The following ASMTL variants were observed in gnomAD, a reference collection of about 807,000 sequenced individuals.
The protein encoded by ASMTL is acetylserotonin O-methyltransferase like.
Under a neutral mutation model 60.3 loss-of-function variants are expected in ASMTL, and 57 were observed. That is an observed-to-expected ratio of 0.95 (90% CI 0.76 to 1.18). The LOEUF is 1.18. Among genes scored for constraint, ASMTL ranks in the 50% most tolerant of loss-of-function variants. ASMTL has a pLI of 0.00. For synonymous variants in ASMTL, 419 were observed against 373.0 expected (o/e 1.12, Z -1.42); for missense variants, 981 against 852.6 (o/e 1.15, Z -1.88).
Position 1,417,516 on chromosome X carries a change from CAG to C in ASMTL, c.1522+455_1522+456del, listed in dbSNP as rs1491073045. 4.0e-5 allele frequency among the ~76,000 whole-genome samples: 6 copies of C among 150,060 alleles called. 1 individual carries two copies. Among genetic ancestry groups the C allele is most frequent in the African/African-American group, 1.5e-4 (6 of 40,618 alleles). ...CACACCATGCACACAGATACAGACA[CAG>C]ACATGCACACACACACACATGCACA... is the stretch of plus-strand genomic sequence containing the variant. On this transcript the variant is annotated intron_variant, in intron 11 of 12. Transcript: ENST00000381317.
chrX:1,434,174 C>T (rs1287992928), intron 5 of ASMTL, among the ~76,000 whole-genome samples: 3 of 152,180 alleles, frequency 2.0e-5, no homozygotes, highest in Non-Finnish European at 4.4e-5. Context: ...GGTGATACAA[C>T]TGCCTGGGCC....
At chrX:1,429,681 C>T (rs1194761017) in intron 6 of ASMTL, among the ~76,000 whole-genome samples, 3 of 151,862 alleles carry the variant, frequency 2.0e-5, no homozygotes, top group African/African-American at 7.3e-5. Flanking sequence ...CCTGTAGTCC[C>T]AGCTACTTGG....
At chrX:1,419,680 G>A (rs1283205556) in intron 9 of ASMTL, among the ~76,000 whole-genome samples, 13 of 152,082 alleles carry the variant, frequency 8.5e-5, no homozygotes, top group Non-Finnish European at 4.4e-5. Context: ...TGGACATCCC[G>A]TCCCTGCAGG....
At position 1,421,797 on chromosome X, in the gene ASMTL, C is replaced by G. The variant is rs1372708911; in HGVS notation, c.1106G>C (p.Gly369Ala). The G allele has an allele frequency of 6.2e-7, 1 of 1,613,824 alleles. No individual in the cohort carries two copies. The highest frequency in any genetic ancestry group is 1.1e-5 in the South Asian group (1 of 91,056). Residue 369 changes from glycine to alanine, a missense_variant, in exon 9 of 13, where the codon GGC (glycine) becomes GCC (alanine). Coordinates refer to ENST00000381317, the MANE Select transcript of ASMTL (RefSeq NM_004192.4). ...ETANVYLASD[G>A]EYSLHGFIMH... ...GATGAAGCCGTGCAGAGAGTATTCG[C>G]CATCCGATGCCAGGTAGACGTTCGC...
At chrX:1,411,238 AGG>A (rs1203470248) in intron 12 of ASMTL, among the ~76,000 whole-genome samples, 9 of 8,554 alleles carry the variant, frequency 1.1e-3, no homozygotes, top group South Asian at 0.12. Context: ...GGAGAGACAG[AGG>A]GAGAGAAGAA....
chrX:1,440,601 T>C (rs2149340451), intron 2 of ASMTL, among the ~76,000 whole-genome samples: 1 of 152,326 alleles, frequency 6.6e-6, no homozygotes, highest in Admixed American at 6.5e-5. Flanking sequence ...TAAGCTACAT[T>C]AATTGTACAT....
intron 7 of ASMTL, among the ~76,000 whole-genome samples, chrX:1,426,316 C>T (rs117664841): frequency 0.02 from 3,072 of 152,224 alleles, 40 homozygotes; most frequent in South Asian, 0.046. Context: ...AAATTAGAGG[C>T]ACAGACGGAA....
intron 3 of ASMTL, among the ~76,000 whole-genome samples, chrX:1,438,120 C>G (rs1212633640): frequency 6.6e-6 from 1 of 150,922 alleles, no homozygotes; most frequent in Non-Finnish European, 1.5e-5. Flanking sequence ...GAAACCCCGT[C>G]TCTACTAAAA....
intron 12 of ASMTL, among the ~76,000 whole-genome samples, chrX:1,410,938 C>G (rs1237980028): frequency 3.3e-5 from 5 of 151,738 alleles, no homozygotes; most frequent in African/African-American, 1.2e-4. Flanking sequence ...GTAATCCCAA[C>G]ACTTTGGGAG....
chrX:1,404,957 G>A (rs1351822559), intron 12 of ASMTL, among the ~76,000 whole-genome samples: 1 of 140,196 alleles, frequency 7.1e-6, no homozygotes, highest in Non-Finnish European at 1.6e-5. Context: ...ATGGATGAGA[G>A]GGATGGATGG....
At position 1,442,858 on chromosome X, in the gene ASMTL, A is replaced by G. The variant is rs1326307289; in HGVS notation, c.94-541T>C. On this transcript the variant is annotated intron_variant, in intron 1 of 12. Transcript: ENST00000381317. ...CTGGCCTAGAGGTAGTGACCCCTGC[A>G]GAGACCGTGGGGTCAGGAATGATGG... Among the ~76,000 whole-genome samples, 3 of 152,188 alleles carry G rather than the reference A, an allele frequency of 2.0e-5. No individual in the cohort carries two copies. In the East Asian group the frequency reaches 5.8e-4, roughly 29 times the overall value.
intron 9 of ASMTL, among the ~76,000 whole-genome samples, chrX:1,420,183 C>G (rs1401690918): frequency 6.6e-6 from 1 of 151,780 alleles, no homozygotes; most frequent in African/African-American, 2.4e-5. Flanking sequence ...CTCCGCCTCC[C>G]TCTGTCTCTC....
At chrX:1,416,597 A>G (rs1373417488) in intron 11 of ASMTL, among the ~76,000 whole-genome samples, 6 of 151,464 alleles carry the variant, frequency 4.0e-5, no homozygotes, top group Admixed American at 3.3e-4. Context: ...ACATACACAC[A>G]TATACCCACA....
chrX:1,415,865 C>T (rs1250384948), intron 11 of ASMTL, among the ~76,000 whole-genome samples: 2 of 152,152 alleles, frequency 1.3e-5, no homozygotes, highest in South Asian at 2.1e-4. Flanking sequence ...CAGGCACACA[C>T]ACATATACCC....
intron 1 of ASMTL, among the ~76,000 whole-genome samples, chrX:1,442,845 T>C (rs1245826356): frequency 6.6e-6 from 1 of 151,922 alleles, no homozygotes; most frequent in Non-Finnish European, 1.5e-5. Flanking sequence ...GGCCTAGAGG[T>C]AGTGACCCCT....
At chrX:1,416,248 GAC>G (rs1413352909) in intron 11 of ASMTL, among the ~76,000 whole-genome samples, 2 of 130,102 alleles carry the variant, frequency 1.5e-5, no homozygotes, top group African/African-American at 6.2e-5. Context: ...GATGGGCACA[GAC>G]AGACACGCAC....
At chrX:1,417,233 A>G (rs1337455834) in intron 11 of ASMTL, among the ~76,000 whole-genome samples, 5 of 151,266 alleles carry the variant, frequency 3.3e-5, no homozygotes, top group African/African-American at 1.2e-4. Context: ...ACACACAACC[A>G]CAGCAGTCAC....
chrX:1,441,708 A>G (rs1369997330), intron 2 of ASMTL: 1 of 155,240 alleles, frequency 6.4e-6, no homozygotes, highest in African/African-American at 2.4e-5. Flanking sequence ...TATATCATAA[A>G]TGATACTGTG....
chrX:1,422,655 C>T (rs1569532841), intron 8 of ASMTL, among the ~76,000 whole-genome samples: 1 of 152,088 alleles, frequency 6.6e-6, no homozygotes, highest in Non-Finnish European at 1.5e-5. Flanking sequence ...GATGGCCTCG[C>T]ACCACTCCGG....
Sources: allele counts gnomAD v4.1 joint callset (sites outside exome capture counted in the v4.1 genomes callset), GRCh38; gene constraint gnomAD v4.1.1; transcripts MANE v1.5; gene names NCBI Gene and HGNC (gene_info 2026-07-23, HGNC 2026-07-21).